The following CIMIP7 variants were observed in gnomAD, a reference collection of about 807,000 sequenced individuals.
The protein encoded by CIMIP7 is ciliary microtubule inner protein 7, also known as uncharacterized protein C3orf84.
the CIMIP7 span, chr3:49,189,945 G>T: frequency 2.0e-6 from 2 of 1,009,776 alleles, no homozygotes; most frequent in South Asian, 2.5e-5. Flanking sequence ...GCCATGGAAG[G>T]GCTGGGATGA....
the CIMIP7 span, chr3:49,191,812 T>C: frequency 6.5e-7 from 1 of 1,533,974 alleles, no homozygotes; most frequent in Non-Finnish European, 8.7e-7. Context: ...TTTCCTCTTG[T>C]CTTTTGGAGG....
chr3:49,178,578 A>T, the CIMIP7 span: 5 of 1,574,046 alleles, frequency 3.2e-6, no homozygotes, highest in South Asian at 5.6e-5. Context: ...GGGGAAAATG[A>T]TGCTTATTTA....
chr3:49,180,121 A>C, the CIMIP7 span, among the ~76,000 whole-genome samples: 1 of 152,162 alleles, frequency 6.6e-6, no homozygotes, highest in Non-Finnish European at 1.5e-5. Context: ...AAAACACACA[A>C]AAAAATTAGC....
At chr3:49,184,671 T>G in the CIMIP7 span, among the ~76,000 whole-genome samples, 1 of 146,962 alleles carries the variant, frequency 6.8e-6, no homozygotes, top group Non-Finnish European at 1.5e-5. Context: ...CTCTCTTACC[T>G]AGGCCGGAGT....
chr3:49,189,638 C>T, the CIMIP7 span, among the ~76,000 whole-genome samples: 1 of 152,216 alleles, frequency 6.6e-6, no homozygotes, highest in African/African-American at 2.4e-5. Flanking sequence ...CTACTAATTT[C>T]TAAGGACCTG....
At chr3:49,177,953 A>G in the CIMIP7 span, 1 of 1,613,524 alleles carries the variant, frequency 6.2e-7, no homozygotes, top group Non-Finnish European at 8.5e-7. Flanking sequence ...TGCTGGCGCA[A>G]CTCTATCTCA....
chr3:49,178,691 A>G, the CIMIP7 span, among the ~76,000 whole-genome samples: 1 of 151,242 alleles, frequency 6.6e-6, no homozygotes, highest in Admixed American at 6.6e-5. Flanking sequence ...GAGGGCAGAG[A>G]CTAATTAAAG....
chr3:49,191,698 A>G, the CIMIP7 span: 3 of 1,586,806 alleles, frequency 1.9e-6, no homozygotes, highest in Non-Finnish European at 2.6e-6. Flanking sequence ...GATTTCAGGT[A>G]CAACCAGAGG....
At chr3:49,184,318 T>A in the CIMIP7 span, among the ~76,000 whole-genome samples, 194 of 152,262 alleles carry the variant, frequency 1.3e-3, no homozygotes, top group Non-Finnish European at 2.2e-3. Context: ...ATTTCAATTT[T>A]ATTTAATTTA....
the CIMIP7 span, among the ~76,000 whole-genome samples, chr3:49,190,663 ATTTTTT>A: frequency 1.0e-5 from 1 of 99,976 alleles, no homozygotes; most frequent in African/African-American, 4.0e-5. Context: ...GCCAGGCTGA[ATTTTTT>A]TTTTTTTTTT....
chr3:49,190,693 G>A, the CIMIP7 span, among the ~76,000 whole-genome samples: 11 of 128,110 alleles, frequency 8.6e-5, no homozygotes, highest in Admixed American at 5.9e-4. Flanking sequence ...TTTTTGAGAC[G>A]GAGTCTTGCT....
chr3:49,184,071 C>A, the CIMIP7 span, among the ~76,000 whole-genome samples: 1 of 152,202 alleles, frequency 6.6e-6, no homozygotes, highest in African/African-American at 2.4e-5. Context: ...AATCATGGCT[C>A]ACTTCAGCCT....
At chr3:49,178,407 C>T in the CIMIP7 span, 3 of 1,385,354 alleles carry the variant, frequency 2.2e-6, no homozygotes, top group Admixed American at 5.3e-5. Flanking sequence ...TCCCCTCCAC[C>T]CTACCATCTG....
chr3:49,179,967 G>A, the CIMIP7 span, among the ~76,000 whole-genome samples: 1 of 151,602 alleles, frequency 6.6e-6, no homozygotes, highest in Admixed American at 6.6e-5. Flanking sequence ...GTGAAACCCC[G>A]TTTTTACTAA....
chr3:49,185,714 G>A, the CIMIP7 span, among the ~76,000 whole-genome samples: 15 of 149,648 alleles, frequency 1.0e-4, no homozygotes, highest in Non-Finnish European at 1.9e-4. Flanking sequence ...TCCCCGAGAC[G>A]GAGTCTCGCA....
At chr3:49,184,689 C>T in the CIMIP7 span, among the ~76,000 whole-genome samples, 4 of 145,660 alleles carry the variant, frequency 2.7e-5, no homozygotes, top group Admixed American at 1.4e-4. Context: ...AGTGCAGTGG[C>T]GTGATCTCAG....
At chr3:49,177,899 G>A in the CIMIP7 span, 1 of 1,613,896 alleles carries the variant, frequency 6.2e-7, no homozygotes, top group South Asian at 1.1e-5. Context: ...CTGAGTCCTG[G>A]GCCTGGCCTG....
At chr3:49,178,788 A>G in the CIMIP7 span, among the ~76,000 whole-genome samples, 2 of 152,176 alleles carry the variant, frequency 1.3e-5, no homozygotes, top group Admixed American at 6.5e-5. Context: ...GTCCTCAATA[A>G]GGAGGCATCT....
the CIMIP7 span, chr3:49,191,670 A>G: frequency 6.6e-7 from 1 of 1,508,282 alleles, no homozygotes; most frequent in Non-Finnish European, 9.1e-7. Context: ...TTTTCACTTC[A>G]CCGGCATGAC....
Sources: gnomAD v4.1 joint callset for allele counts (sites outside exome capture counted in the v4.1 genomes callset) on GRCh38, gnomAD v4.1.1 for gene constraint, MANE v1.5 for transcripts, NCBI Gene and HGNC (gene_info 2026-07-23, HGNC 2026-07-21) for gene names.